KITLG: variants seen among roughly 807,000 people sequenced by gnomAD.
The protein encoded by KITLG is c-Kit ligand.
In KITLG, 13 loss-of-function variants were observed where a neutral mutation model predicts 34.1. That is an observed-to-expected ratio of 0.38 (90% CI 0.25 to 0.61). The LOEUF is 0.61. Ranked by LOEUF, KITLG falls within the 20% of genes least tolerant of loss-of-function variation. The pLI, the probability that KITLG is intolerant of heterozygous loss-of-function variation, is 0.60. For synonymous variants in KITLG, 110 were observed against 104.0 expected, an observed-to-expected ratio of 1.06 and a Z score of -0.35; for missense variants, 292 against 318.9, an observed-to-expected ratio of 0.92 and a Z score of 0.64.
chr12:88,536,842 G>A (rs917549078), intron 2 of KITLG, among the ~76,000 whole-genome samples: 4 of 152,132 alleles, frequency 2.6e-5, no homozygotes, highest in Non-Finnish European at 5.9e-5. Context: ...TGGGTATTGG[G>A]GGGCTAGGCG....
chr12:88,528,306 C>T (rs1012082222), intron 3 of KITLG, among the ~76,000 whole-genome samples: 3 of 152,072 alleles, frequency 2.0e-5, no homozygotes, highest in African/African-American at 7.2e-5. Flanking sequence ...AGAGTGGGAC[C>T]ACCTGGATAA....
chr12:88,542,569 T>C lies in KITLG; in HGVS notation c.129+3183A>G, dbSNP rs189239723. On this transcript the variant is annotated intron_variant, in intron 2 of 9. Transcript: ENST00000644744. ...CTCAACAGTCACTCATGTTGCTGTT[T>C]GAATAAATGAAATTAGTAAGTTAGG... 5.7e-4 allele frequency among the ~76,000 whole-genome samples: 87 copies of C among 152,194 alleles called. 2 individuals are homozygous for C. The highest frequency in any genetic ancestry group is 1.0e-4 in the Non-Finnish European group (7 of 67,996).
intron 1 of KITLG, among the ~76,000 whole-genome samples, chr12:88,567,888 T>G (rs1871499631): frequency 6.6e-6 from 1 of 152,210 alleles, no homozygotes; most frequent in African/African-American, 2.4e-5. Context: ...GTCATACAGT[T>G]TGAAGAGATG....
intron 4 of KITLG, among the ~76,000 whole-genome samples, chr12:88,518,085 T>C (rs1220857789): frequency 6.6e-6 from 1 of 152,144 alleles, no homozygotes; most frequent in Non-Finnish European, 1.5e-5. Context: ...CCCTGTTAGA[T>C]GAATTCTGGC....
intron 9 of KITLG, among the ~76,000 whole-genome samples, chr12:88,497,886 G>A (rs117215544): frequency 5.8e-4 from 88 of 152,208 alleles, no homozygotes; most frequent in Non-Finnish European, 1.1e-3. Context: ...GAAAGATTTC[G>A]TTCAATACTT....
chr12:88,558,746 C>G (rs1412507232), intron 1 of KITLG, among the ~76,000 whole-genome samples: 1 of 152,132 alleles, frequency 6.6e-6, no homozygotes, highest in Non-Finnish European at 1.5e-5. Flanking sequence ...GAAAGCACAT[C>G]TTTTAGTAAG....
chr12:88,579,163 C>T (rs915701020), intron 1 of KITLG, among the ~76,000 whole-genome samples: 4 of 152,166 alleles, frequency 2.6e-5, no homozygotes, highest in African/African-American at 9.7e-5. Context: ...CTAAGCAGGT[C>T]ATTTGATAAA....
intron 1 of KITLG, among the ~76,000 whole-genome samples, chr12:88,551,160 G>T (rs1001032413): frequency 6.6e-6 from 1 of 151,940 alleles, no homozygotes; most frequent in Admixed American, 6.6e-5. Context: ...ATTTAATTTT[G>T]CATATACTTT....
chr12:88,552,002 G>C (rs571421701), intron 1 of KITLG, among the ~76,000 whole-genome samples: 46 of 152,156 alleles, frequency 3.0e-4, no homozygotes, highest in African/African-American at 1.1e-3. Flanking sequence ...GTCCTTGCTG[G>C]CATTGAAAAT....
At chr12:88,568,365 G>GC (rs1279529476) in intron 1 of KITLG, among the ~76,000 whole-genome samples, 1 of 150,960 alleles carries the variant, frequency 6.6e-6, no homozygotes, top group Non-Finnish European at 1.5e-5. Context: ...TCACTATGTT[G>GC]CCCAGGCTGT....
intron 1 of KITLG, among the ~76,000 whole-genome samples, chr12:88,563,866 G>A (rs557314606): frequency 5.9e-5 from 9 of 152,228 alleles, no homozygotes; most frequent in African/African-American, 2.2e-4. Flanking sequence ...GGAGGCTGAG[G>A]CAGGAGAATT....
chr12:88,553,285 C>T (rs1870982881), intron 1 of KITLG, among the ~76,000 whole-genome samples: 1 of 152,176 alleles, frequency 6.6e-6, no homozygotes, highest in South Asian at 2.1e-4. Context: ...TCCTCTTCTT[C>T]CAATTTCTGG....
chr12:88,570,734 A>C (rs1392284947), intron 1 of KITLG, among the ~76,000 whole-genome samples: 1 of 152,146 alleles, frequency 6.6e-6, no homozygotes, highest in African/African-American at 2.4e-5. Context: ...TCTGAACTTC[A>C]GGGTTTTTAT....
At chr12:88,552,088 C>G (rs553536219) in intron 1 of KITLG, among the ~76,000 whole-genome samples, 2 of 152,018 alleles carry the variant, frequency 1.3e-5, no homozygotes, top group Non-Finnish European at 2.9e-5. Context: ...AGATTCTCCC[C>G]TAGAGCCTTT....
intron 1 of KITLG, among the ~76,000 whole-genome samples, chr12:88,552,361 T>G (rs1408420309): frequency 6.6e-6 from 1 of 150,856 alleles, no homozygotes; most frequent in Non-Finnish European, 1.5e-5. Context: ...TTTTTTTTTT[T>G]GTATTTTTGG....
At chr12:88,509,086 T>C (rs958882037) in intron 6 of KITLG, among the ~76,000 whole-genome samples, 2 of 152,174 alleles carry the variant, frequency 1.3e-5, no homozygotes, top group African/African-American at 4.8e-5. Flanking sequence ...ATAGATTTAC[T>C]AGGTAACCTC....
At chr12:88,534,727 AT>A in intron 2 of KITLG, 1 of 513,258 alleles carries the variant, frequency 1.9e-6, no homozygotes. Context: ...TTGTTCATTT[AT>A]TTTTGGCGTT....
At position 88,507,017 on chromosome 12, in the gene KITLG, G is replaced by A. The variant is rs773891949; in HGVS notation, c.714+11C>T. On this transcript the variant is annotated intron_variant, in intron 7 of 9. Transcript: ENST00000644744. The stretch of plus-strand genomic sequence containing the variant: ...TAGCATATTTTTAAAAAAAGGAATG[G>A]TACCACTTACCTTCCAGTATAAGGC... The A allele has an allele frequency of 1.4e-6, 2 of 1,380,612 alleles. No individual in the cohort carries two copies. The highest frequency in any genetic ancestry group is 1.2e-5 in the South Asian group (1 of 86,418). The allele number at this position is 1,380,612 out of a possible 1,614,324, so 85.5% of individuals were successfully genotyped here.
rs539020920 is a variant in KITLG, at chr12:88,494,837, A to G, written c.*2382T>C. Reference sequence around the variant, plus strand: ...TTACTATCTCAGCAGTGAGTTTTCCATGATTTATGAAGAAGGATATTCAGA... The same window carrying G: ...TTACTATCTCAGCAGTGAGTTTTCCGTGATTTATGAAGAAGGATATTCAGA... On this transcript the variant is annotated 3_prime_UTR_variant, in exon 10 of 10. Transcript: ENST00000644744. 1.3e-5 allele frequency: 2 copies of G among 152,214 alleles called. No individual in the cohort carries two copies. Among genetic ancestry groups the G allele is most frequent in the Middle Eastern group, 6.8e-3 (2 of 294 alleles). 9.4% of individuals were successfully genotyped at this position (152,214 alleles called of 1,614,324 possible). A position where few individuals can be genotyped will look rare whatever the true frequency, so the allele number is the denominator to read the frequency against.
Sources: gnomAD v4.1 joint callset for allele counts (sites outside exome capture counted in the v4.1 genomes callset) on GRCh38, gnomAD v4.1.1 for gene constraint, MANE v1.5 for transcripts, NCBI Gene and HGNC (gene_info 2026-07-23, HGNC 2026-07-21) for gene names.